Variants in VWA8 observed in about 807,000 individuals in gnomAD.
VWA8 encodes von Willebrand factor A domain containing 8.
VWA8 carries 221 observed loss-of-function variants against 241.5 expected under a neutral mutation model. The observed-to-expected ratio is 0.91, with a 90% confidence interval of 0.82 to 1.02. The LOEUF (loss-of-function observed/expected upper bound fraction) is 1.02. Among genes scored for constraint, VWA8 ranks in the 50% least tolerant of loss-of-function variants. VWA8 has a pLI of 0.00. For synonymous variants in VWA8, 852 were observed against 827.1 expected (o/e 1.03, Z -0.52); for missense variants, 2,322 against 2,328.7 (o/e 1.00, Z 0.06).
At chr13:41,833,339 G>T in intron 13 of VWA8, 32 bp downstream of exon 13, 1 of 1,580,980 alleles carries the variant, frequency 6.3e-7, no homozygotes, top group Middle Eastern at 1.8e-4. Context: ...TGGGGTGTGT[G>T]TCTGTGTGTG....
intron 2 of VWA8, among the ~76,000 whole-genome samples, chr13:41,945,831 G>A (rs929427838): frequency 2.6e-4 from 40 of 152,002 alleles, no homozygotes; most frequent in Non-Finnish European, 1.0e-4. Context: ...AGAGAAAAAA[G>A]AGAATAAATA....
intron 23 of VWA8, among the ~76,000 whole-genome samples, chr13:41,727,534 G>A (rs2045446599): frequency 6.6e-6 from 1 of 152,076 alleles, no homozygotes; most frequent in Non-Finnish European, 1.5e-5. Flanking sequence ...ACAGGGACTT[G>A]CACTCTTATA....
intron 2 of VWA8, among the ~76,000 whole-genome samples, chr13:41,922,544 G>A (rs1876599440): frequency 6.6e-6 from 1 of 152,106 alleles, no homozygotes; most frequent in Admixed American, 6.5e-5. Context: ...ATCTGACAAA[G>A]GGCTAATATC....
chr13:41,858,382 G>A (rs1593822232), intron 12 of VWA8, among the ~76,000 whole-genome samples: 1 of 152,150 alleles, frequency 6.6e-6, no homozygotes. Flanking sequence ...AAGGTGGGGG[G>A]ATCACCTGAG....
intron 8 of VWA8, among the ~76,000 whole-genome samples, chr13:41,884,353 C>T (rs1874409298): frequency 6.9e-6 from 1 of 145,722 alleles, no homozygotes; most frequent in East Asian, 2.0e-4. Flanking sequence ...TCACTCTGCA[C>T]TTTTCTCTCC....
At chr13:41,610,549 G>GCATTCT (rs10690423) in intron 39 of VWA8, among the ~76,000 whole-genome samples, 10,417 of 152,200 alleles carry the variant, frequency 0.068, 478 homozygotes, top group East Asian at 0.15. Flanking sequence ...GGCAGGGCCT[G>GCATTCT]CATTCTTGTC....
chr13:41,763,683 G>C (rs189947661), intron 20 of VWA8, among the ~76,000 whole-genome samples: 14 of 152,274 alleles, frequency 9.2e-5, no homozygotes, highest in African/African-American at 3.4e-4. Context: ...GTTAAATTCA[G>C]CAATCCTAGG....
rs974040244 is a variant in VWA8 at position 41,633,175 on chromosome 13, C to T, written c.4612-18091G>A. On this transcript the variant is annotated intron_variant, in intron 37 of 44. Coordinates refer to ENST00000379310, the MANE Select transcript of VWA8 (RefSeq NM_015058.2). Reference sequence around the variant, plus strand: ...ATGTATATATACATCCACACATATACATTTTTTGAAGAAATATTTCAGGGA... The same window carrying T: ...ATGTATATATACATCCACACATATATATTTTTTGAAGAAATATTTCAGGGA... Among the ~76,000 whole-genome samples the T allele has an allele frequency of 5.9e-5, 9 of 152,312 alleles. 2 individuals are homozygous for T. Among genetic ancestry groups the T allele is most frequent in the East Asian group, 1.9e-4 (1 of 5,186 alleles).
intron 12 of VWA8, among the ~76,000 whole-genome samples, chr13:41,834,167 T>C (rs1055669842): frequency 3.3e-5 from 5 of 152,310 alleles, no homozygotes; most frequent in Admixed American, 2.0e-4. Context: ...ACACACACAA[T>C]GTGCTAACAA....
At chr13:41,954,161 T>G (rs1257935613) in intron 1 of VWA8, among the ~76,000 whole-genome samples, 1 of 151,776 alleles carries the variant, frequency 6.6e-6, no homozygotes, top group African/African-American at 2.4e-5. Flanking sequence ...CATACCAATG[T>G]CCCAACTCTG....
intron 14 of VWA8, among the ~76,000 whole-genome samples, chr13:41,828,016 T>C (rs1473131024): frequency 6.6e-6 from 1 of 152,192 alleles, no homozygotes; most frequent in Admixed American, 6.5e-5. Flanking sequence ...ATGCAAATAA[T>C]GTGCCAAAGC....
At chr13:41,722,690 G>A (rs1019528628) in intron 24 of VWA8, among the ~76,000 whole-genome samples, 1 of 152,140 alleles carries the variant, frequency 6.6e-6, no homozygotes, top group African/African-American at 2.4e-5. Flanking sequence ...AAATGGTGAT[G>A]CTGGGGGAGG....
intron 2 of VWA8, among the ~76,000 whole-genome samples, chr13:41,933,289 A>G (rs1241736040): frequency 2.0e-5 from 3 of 152,058 alleles, no homozygotes; most frequent in Non-Finnish European, 2.9e-5. Context: ...ACTGAAAACA[A>G]TACAACATTG....
intron 37 of VWA8, among the ~76,000 whole-genome samples, chr13:41,622,644 A>G (rs1403284448): frequency 6.6e-6 from 1 of 152,334 alleles, no homozygotes; most frequent in East Asian, 1.9e-4. Flanking sequence ...ATCCCCTTAC[A>G]TGTGAATTAA....
At chr13:41,773,791 G>A (rs1180859400) in intron 20 of VWA8, among the ~76,000 whole-genome samples, 4 of 152,188 alleles carry the variant, frequency 2.6e-5, no homozygotes, top group Non-Finnish European at 4.4e-5. Context: ...GCAAAGTTAT[G>A]TATGATTTAA....
At chr13:41,872,603 GA>G (rs1430558160) in intron 9 of VWA8, among the ~76,000 whole-genome samples, 2 of 152,168 alleles carry the variant, frequency 1.3e-5, no homozygotes, top group Non-Finnish European at 2.9e-5. Flanking sequence ...GTTTGTCAAA[GA>G]TCAGACAGTT....
At chr13:41,588,557 C>CA (rs1566378168) in intron 41 of VWA8, among the ~76,000 whole-genome samples, 1 of 151,850 alleles carries the variant, frequency 6.6e-6, no homozygotes, top group Non-Finnish European at 1.5e-5. Flanking sequence ...CTCATCTCTA[C>CA]AAAAAAATAC....
intron 41 of VWA8, among the ~76,000 whole-genome samples, chr13:41,588,722 G>GAAA (rs35503733): frequency 1.0e-5 from 1 of 96,758 alleles, no homozygotes; most frequent in African/African-American, 3.6e-5. Flanking sequence ...CCTGTCTCTA[G>GAAA]AAAAAAAAAA....
At chr13:41,861,623 A>G (rs894815202) in intron 12 of VWA8, among the ~76,000 whole-genome samples, 1 of 152,222 alleles carries the variant, frequency 6.6e-6, no homozygotes, top group African/African-American at 2.4e-5. Flanking sequence ...GTCAAGGTAC[A>G]AAAATAAGTA....
Sources: gnomAD v4.1 joint callset for allele counts (sites outside exome capture counted in the v4.1 genomes callset) on GRCh38, gnomAD v4.1.1 for gene constraint, MANE v1.5 for transcripts, NCBI Gene and HGNC (gene_info 2026-07-23, HGNC 2026-07-21) for gene names.